RBMS3: variants seen among roughly 807,000 people sequenced by gnomAD.
RBMS3 encodes the protein RNA-binding motif, single-stranded-interacting protein 3.
In RBMS3, 27 loss-of-function variants were observed where a neutral mutation model predicts 66.8. That is an observed-to-expected ratio of 0.40 (90% CI 0.30 to 0.56). The LOEUF is 0.56. Ranked by LOEUF, RBMS3 falls within the 20% of genes least tolerant of loss-of-function variation. The pLI, the probability that RBMS3 is intolerant of heterozygous loss-of-function variation, is 0.40. For synonymous variants in RBMS3, 188 were observed against 183.0 expected (o/e 1.03, Z -0.22); for missense variants, 513 against 549.5 (o/e 0.93, Z 0.66).
intron 8 of RBMS3, among the ~76,000 whole-genome samples, chr3:29,888,665 G>T (rs775925523): frequency 5.3e-5 from 8 of 151,776 alleles, no homozygotes; most frequent in Non-Finnish European, 1.0e-4. Context: ...CCAAACTGAG[G>T]TCATTATCCT....
chr3:29,345,982 A>G (rs560553097), intron 1 of RBMS3, among the ~76,000 whole-genome samples: 12 of 152,376 alleles, frequency 7.9e-5, no homozygotes, highest in African/African-American at 2.4e-4. Context: ...AGGATACTGC[A>G]AAGTTTAAAA....
At chr3:29,309,687 G>C (rs78063423) in intron 1 of RBMS3, among the ~76,000 whole-genome samples, 8,998 of 151,630 alleles carry the variant, frequency 0.059, 342 homozygotes, top group South Asian at 0.099. Flanking sequence ...TATAGCAAAG[G>C]GAATATGAAA....
chr3:29,422,642 A>G (rs2040800764), intron 1 of RBMS3, among the ~76,000 whole-genome samples: 1 of 152,064 alleles, frequency 6.6e-6, no homozygotes, highest in South Asian at 2.1e-4. Flanking sequence ...CCTAATATTC[A>G]TTTTATCATG....
At chr3:29,756,811 G>C (rs1399875439) in intron 5 of RBMS3, among the ~76,000 whole-genome samples, 1 of 152,088 alleles carries the variant, frequency 6.6e-6, no homozygotes, top group Non-Finnish European at 1.5e-5. Context: ...TTATTATAAA[G>C]GATACAACTC....
chr3:29,819,577 A>G (rs189022294), intron 6 of RBMS3, among the ~76,000 whole-genome samples: 19 of 152,282 alleles, frequency 1.2e-4, no homozygotes, highest in Non-Finnish European at 1.9e-4. Flanking sequence ...TTCATTTCAC[A>G]TGCTATGTCA....
At chr3:29,990,023 TATTTC>T (rs1470461413) in intron 13 of RBMS3, among the ~76,000 whole-genome samples, 8 of 152,166 alleles carry the variant, frequency 5.3e-5, no homozygotes, top group African/African-American at 1.7e-4. Flanking sequence ...TTAAAAGAAA[TATTTC>T]ATTGATAAAA....
intron 3 of RBMS3, among the ~76,000 whole-genome samples, chr3:29,542,332 T>G (rs2045795209): frequency 1.3e-5 from 2 of 151,328 alleles, no homozygotes; most frequent in Admixed American, 1.3e-4. Context: ...GTATTATTCT[T>G]CACCCAAAAT....
chr3:29,933,749 G>A (rs2061191284), intron 10 of RBMS3: 1 of 152,044 alleles, frequency 6.6e-6, no homozygotes, highest in East Asian at 1.9e-4. Flanking sequence ...TGTGCCTAGT[G>A]TTGCTATTTA....
At chr3:29,527,311 C>T (rs777992782) in intron 3 of RBMS3, among the ~76,000 whole-genome samples, 1 of 150,392 alleles carries the variant, frequency 6.6e-6, no homozygotes, top group South Asian at 2.2e-4. Flanking sequence ...GCTACATTCA[C>T]TACCTAATGC....
At chr3:29,585,968 C>A (rs1383665162) in intron 3 of RBMS3, among the ~76,000 whole-genome samples, 3 of 152,088 alleles carry the variant, frequency 2.0e-5, no homozygotes, top group Non-Finnish European at 4.4e-5. Context: ...TTAAAAGAAA[C>A]AACTTCGTAA....
intron 1 of RBMS3, among the ~76,000 whole-genome samples, chr3:29,434,159 C>A (rs2041311509): frequency 6.6e-6 from 1 of 152,092 alleles, no homozygotes; most frequent in Non-Finnish European, 1.5e-5. Flanking sequence ...AAGGAACATT[C>A]AATGTAAAGA....
At chr3:29,702,062 A>G (rs1040921369) in intron 4 of RBMS3, among the ~76,000 whole-genome samples, 4 of 152,204 alleles carry the variant, frequency 2.6e-5, no homozygotes, top group South Asian at 2.1e-4. Flanking sequence ...AAATATGCCA[A>G]TCAGCACTCT....
At chr3:29,636,497 A>G (rs2149186655) in intron 4 of RBMS3, among the ~76,000 whole-genome samples, 1 of 152,002 alleles carries the variant, frequency 6.6e-6, no homozygotes, top group Non-Finnish European at 1.5e-5. Flanking sequence ...GGGAGGGTGG[A>G]AGGCTGGTAA....
At chr3:29,887,550 C>G (rs1033524245) in intron 8 of RBMS3, among the ~76,000 whole-genome samples, 1 of 151,774 alleles carries the variant, frequency 6.6e-6, no homozygotes, top group Non-Finnish European at 1.5e-5. Context: ...TTCCTGAGGC[C>G]TCCCCAACCG....
At chr3:29,400,462 C>A (rs557179960) in intron 1 of RBMS3, among the ~76,000 whole-genome samples, 1 of 151,824 alleles carries the variant, frequency 6.6e-6, no homozygotes, top group South Asian at 2.1e-4. Flanking sequence ...TAAAGAGTTG[C>A]GACTCAGGAG....
intron 3 of RBMS3, among the ~76,000 whole-genome samples, chr3:29,559,461 A>T (rs2046466261): frequency 7.8e-6 from 1 of 127,394 alleles, no homozygotes; most frequent in Non-Finnish European, 1.6e-5. Flanking sequence ...CAGTGAGCTG[A>T]GTTTGTGCCA....
chr3:29,779,251 G>A (rs560773560), intron 6 of RBMS3, among the ~76,000 whole-genome samples: 2 of 151,634 alleles, frequency 1.3e-5, no homozygotes, highest in Admixed American at 6.6e-5. Context: ...AAACTAAGCT[G>A]TAAAATGATG....
intron 2 of RBMS3, among the ~76,000 whole-genome samples, chr3:29,479,660 A>G (rs2043065038): frequency 6.6e-6 from 1 of 152,214 alleles, no homozygotes; most frequent in Non-Finnish European, 1.5e-5. Flanking sequence ...GACCTGTATT[A>G]TTTAGCAAGA....
intron 1 of RBMS3, among the ~76,000 whole-genome samples, chr3:29,369,253 AC>A (rs1366019725): frequency 6.6e-6 from 1 of 151,888 alleles, no homozygotes; most frequent in African/African-American, 2.4e-5. Flanking sequence ...CTTACAACCA[AC>A]CCCCATGACA....
Sources: allele counts gnomAD v4.1 joint callset (sites outside exome capture counted in the v4.1 genomes callset), GRCh38; gene constraint gnomAD v4.1.1; transcripts MANE v1.5; gene names NCBI Gene and HGNC (gene_info 2026-07-23, HGNC 2026-07-21).